LUZP2: variants seen among roughly 807,000 people sequenced by gnomAD.
LUZP2 encodes leucine zipper protein 2.
LUZP2 carries 52 observed loss-of-function variants against 51.6 expected under a neutral mutation model. The ratio of observed to expected loss-of-function variants is 1.01; its 90% CI spans 0.81 to 1.27. The LOEUF is 1.27. LUZP2 is among the 50% of genes most tolerant of loss of function. The probability of loss-of-function intolerance (pLI) is 0.00; values close to 1 mark genes in which losing one functional copy is unlikely to be tolerated. For missense variants in LUZP2, 436 were observed against 395.4 expected (o/e 1.10, Z -0.87); for synonymous variants, 154 against 137.3 (o/e 1.12, Z -0.85).
At chr11:24,664,769 A>G (rs1290047394) in intron 1 of LUZP2, among the ~76,000 whole-genome samples, 1 of 152,200 alleles carries the variant, frequency 6.6e-6, no homozygotes, top group African/African-American at 2.4e-5. Context: ...GCACAGAAGT[A>G]CAAAATTGAG....
In LUZP2 at chr11:24,905,983, T is replaced by C. The variant is rs769618547; in HGVS notation, c.397-8T>C. 1.1e-5 allele frequency: 18 copies of C among 1,603,034 alleles called. No individual in the cohort carries two copies. The Admixed American group carries it at 2.7e-4, about 24-fold the overall frequency. On this transcript the variant is annotated splice_polypyrimidine_tract_variant and splice_region_variant and intron_variant, in intron 5 of 11. Transcript: ENST00000336930. The stretch of plus-strand genomic sequence containing the variant: ...TTCTTTGCAATAAAACTATGTTTTC[T>C]TCCTCAGAATAAAAGCTTGAAAAAC...
intron 9 of LUZP2, among the ~76,000 whole-genome samples, chr11:25,035,762 G>A (rs1337031642): frequency 2.6e-5 from 4 of 151,964 alleles, no homozygotes. Context: ...GTACTGGTGA[G>A]TCACATTTAT....
chr11:24,605,794 G>A lies in LUZP2; in HGVS notation c.62+108489G>A, dbSNP rs192474408. 1.2e-3 allele frequency among the ~76,000 whole-genome samples: 189 copies of A among 151,846 alleles called. 2 individuals carry two copies. The highest frequency in any genetic ancestry group is 2.2e-3 in the Admixed American group (34 of 15,246). ...TTACATTTTTATTATCATGCAATAT[G>A]TTAGGTCTCCAGAACTTATTTGTCT... On this transcript the variant is annotated intron_variant, in intron 1 of 11. Coordinates refer to ENST00000336930, the MANE Select transcript of LUZP2 (RefSeq NM_001009909.4).
intron 1 of LUZP2, among the ~76,000 whole-genome samples, chr11:24,656,819 C>T (rs1201763177): frequency 6.6e-6 from 1 of 152,146 alleles, no homozygotes; most frequent in Non-Finnish European, 1.5e-5. Context: ...CTGCGTATCC[C>T]CCTCATCTCT....
In LUZP2 at chr11:24,611,530, G is replaced by A. The variant is rs1287399721; in HGVS notation, c.62+114225G>A. On this transcript the variant is annotated intron_variant, in intron 1 of 11. Transcript: ENST00000336930. This position sits in a 1 kb window ranked among gnomAD's most constrained non-coding sequence, Gnocchi z 4.6. ...GTTAGATTGTGTGAAAAGATACATTGAGTCAGAGTTTGGCAATTATGGAAC... is the reference window on the plus strand; with the variant it reads ...GTTAGATTGTGTGAAAAGATACATTAAGTCAGAGTTTGGCAATTATGGAAC... 6.6e-6 allele frequency among the ~76,000 whole-genome samples: 1 copy of A among 152,120 alleles called. No individual in the cohort carries two copies. Among genetic ancestry groups the A allele is most frequent in the East Asian group, 1.9e-4 (1 of 5,192 alleles).
At chr11:24,908,789 T>G (rs190819902) in intron 6 of LUZP2, among the ~76,000 whole-genome samples, 1,598 of 149,782 alleles carry the variant, frequency 0.011, 16 homozygotes, top group South Asian at 0.039. Context: ...TGAGTCTCCC[T>G]CTGTTGCCCA....
intron 9 of LUZP2, among the ~76,000 whole-genome samples, chr11:25,046,032 C>T (rs1858295861): frequency 6.6e-6 from 1 of 152,068 alleles, no homozygotes; most frequent in African/African-American, 2.4e-5. Flanking sequence ...GTAGAAACAA[C>T]TCGTACAAGA....
intron 1 of LUZP2, among the ~76,000 whole-genome samples, chr11:24,549,982 C>A (rs1396848): frequency 0.42 from 63,613 of 151,816 alleles, 13,819 homozygotes; most frequent in African/African-American, 0.51. Context: ...TAGTACATAT[C>A]AACAGGAGAA....
chr11:24,981,978 G>A (rs1180002053), intron 8 of LUZP2, among the ~76,000 whole-genome samples: 1 of 151,802 alleles, frequency 6.6e-6, no homozygotes, highest in Non-Finnish European at 1.5e-5. Context: ...TTCAAAAGAA[G>A]ACACACATGT....
intron 4 of LUZP2, among the ~76,000 whole-genome samples, chr11:24,748,413 T>TG (rs1859456406): frequency 6.6e-6 from 1 of 152,032 alleles, no homozygotes; most frequent in Non-Finnish European, 1.5e-5. Context: ...TCCTGGGTTC[T>TG]GCGGGAGCAG....
chr11:24,837,165 G>T (rs770527252), intron 5 of LUZP2, among the ~76,000 whole-genome samples: 1 of 151,522 alleles, frequency 6.6e-6, no homozygotes, highest in Non-Finnish European at 1.5e-5. Context: ...AATATATATG[G>T]TAATTATGTG....
chr11:24,556,012 T>C (rs10834385), intron 1 of LUZP2, among the ~76,000 whole-genome samples: 86,504 of 151,978 alleles, frequency 0.57, 25,147 homozygotes, highest in East Asian at 0.72. Context: ...TAGCTTCCAT[T>C]ACCCCCTTTT....
At chr11:24,867,461 C>T (rs1034590683) in intron 5 of LUZP2, among the ~76,000 whole-genome samples, 2 of 152,170 alleles carry the variant, frequency 1.3e-5, no homozygotes, top group Non-Finnish European at 2.9e-5. Context: ...TGATCACGCT[C>T]TGCCTCTGGT....
At chr11:24,905,121 A>G (rs1853406244) in intron 5 of LUZP2, among the ~76,000 whole-genome samples, 1 of 152,190 alleles carries the variant, frequency 6.6e-6, no homozygotes, top group Non-Finnish European at 1.5e-5. Context: ...ATGTATATAT[A>G]TAATAACAGA....
chr11:25,029,467 G>A (rs184328541), intron 9 of LUZP2, among the ~76,000 whole-genome samples: 1 of 152,252 alleles, frequency 6.6e-6, no homozygotes, highest in Non-Finnish European at 1.5e-5. Flanking sequence ...GCTGGGTGCA[G>A]TGGCTCACAC....
chr11:24,777,749 A>G (rs1848978690), intron 5 of LUZP2, among the ~76,000 whole-genome samples: 1 of 152,146 alleles, frequency 6.6e-6, no homozygotes, highest in South Asian at 2.1e-4. Flanking sequence ...AGTCTTTGAT[A>G]TTATAGTACA....
At chr11:24,878,110 T>TTC (rs1393624531) in intron 5 of LUZP2, among the ~76,000 whole-genome samples, 3 of 150,736 alleles carry the variant, frequency 2.0e-5, no homozygotes, top group Non-Finnish European at 4.4e-5. Flanking sequence ...GTTTTTTTTT[T>TTC]TTTTTTTGGT....
chr11:24,744,242 G>A (rs1373035288), intron 4 of LUZP2, among the ~76,000 whole-genome samples: 1 of 151,966 alleles, frequency 6.6e-6, no homozygotes, highest in African/African-American at 2.4e-5. Context: ...AATTAGGGAG[G>A]GTTCCCTCTT....
intron 1 of LUZP2, among the ~76,000 whole-genome samples, chr11:24,668,544 C>G (rs1382285244): frequency 6.6e-6 from 1 of 152,146 alleles, no homozygotes; most frequent in East Asian, 1.9e-4. Context: ...CTTTGGGACA[C>G]TGAGCAAATT....
Sources: gnomAD v4.1 joint callset for allele counts (sites outside exome capture counted in the v4.1 genomes callset) on GRCh38, gnomAD v4.1.1 for gene constraint, Gnocchi (gnomAD v3.1) non-coding constraint, MANE v1.5 for transcripts, NCBI Gene and HGNC (gene_info 2026-07-23, HGNC 2026-07-21) for gene names.